The following MAML3 variants were observed in gnomAD, a reference collection of about 807,000 sequenced individuals.
MAML3 encodes the protein mastermind-like protein 3.
In MAML3, 27 loss-of-function variants were observed where a neutral mutation model predicts 101.9. That is an observed-to-expected ratio of 0.27 (90% CI 0.20 to 0.37). The LOEUF (loss-of-function observed/expected upper bound fraction) is 0.37, where lower values mean the gene tolerates loss of function less well. MAML3 is among the 10% of genes least tolerant of loss of function. MAML3 has a pLI of 1.00. For synonymous variants in MAML3, 501 were observed against 555.9 expected (o/e 0.90, Z 1.39); for missense variants, 1,316 against 1,444.9 (o/e 0.91, Z 1.45).
intron 1 of MAML3, among the ~76,000 whole-genome samples, chr4:139,915,366 C>CTT (rs1408941714): frequency 6.6e-6 from 1 of 151,886 alleles, no homozygotes; most frequent in African/African-American, 2.4e-5. Context: ...TGTCAGTTTC[C>CTT]TTATTAGCAA....
chr4:139,968,608 C>T (rs1013553330), intron 1 of MAML3, among the ~76,000 whole-genome samples: 1 of 152,100 alleles, frequency 6.6e-6, no homozygotes, highest in Non-Finnish European at 1.5e-5. Context: ...ACTTAATCCT[C>T]ACAAACTCCC....
chr4:140,046,227 C>T (rs1727180967), intron 1 of MAML3, among the ~76,000 whole-genome samples: 1 of 152,166 alleles, frequency 6.6e-6, no homozygotes, highest in South Asian at 2.1e-4. Flanking sequence ...CATTAAATTG[C>T]TGATGTTAGA....
At chr4:139,944,260 T>C (rs1162630173) in intron 1 of MAML3, among the ~76,000 whole-genome samples, 2 of 152,160 alleles carry the variant, frequency 1.3e-5, no homozygotes, top group Non-Finnish European at 2.9e-5. Context: ...ACATGTGCCA[T>C]GCTGGTGCGC....
At chr4:139,940,631 G>A (rs2110737972) in intron 1 of MAML3, among the ~76,000 whole-genome samples, 1 of 152,332 alleles carries the variant, frequency 6.6e-6, no homozygotes, top group Admixed American at 6.5e-5. Flanking sequence ...TGTGTTAGCT[G>A]CTTCACGAAT....
At position 140,153,465 on chromosome 4, in the gene MAML3, C is replaced by A. The variant is rs1268291358; in HGVS notation, c.-138G>T. On this transcript the variant is annotated 5_prime_UTR_variant, in exon 1 of 5. Coordinates refer to ENST00000509479, the MANE Select transcript of MAML3 (RefSeq NM_018717.5). ...AGCACATGGATGGAAACGGCGATCC[C>A]GACGGGGCGAAAAAAACGGGGGGGG... 2.1e-6 allele frequency: 2 copies of A among 950,538 alleles called. No homozygotes were observed. Among genetic ancestry groups the A allele is most frequent in the South Asian group, 3.5e-5 (1 of 28,984 alleles). 58.9% of individuals were successfully genotyped at this position (950,538 alleles called of 1,614,324 possible). A position where few individuals can be genotyped will look rare whatever the true frequency, so the allele number is the denominator to read the frequency against.
intron 2 of MAML3, among the ~76,000 whole-genome samples, chr4:139,863,343 C>CTTTTTTTTTTTTTT (rs11439880): frequency 8.3e-6 from 1 of 120,552 alleles, no homozygotes; most frequent in African/African-American, 3.0e-5. Flanking sequence ...TTCCTGTGCC[C>CTTTTTTTTTTTTTT]TTTTTTTTTT....
intron 1 of MAML3, among the ~76,000 whole-genome samples, chr4:140,060,522 G>T (rs1727429529): frequency 6.6e-6 from 1 of 151,912 alleles, no homozygotes; most frequent in Non-Finnish European, 1.5e-5. Context: ...TTTGAACAGG[G>T]CATTAGATCT....
At chr4:139,892,855 C>T (rs1239041762) in intron 1 of MAML3, among the ~76,000 whole-genome samples, 3 of 143,804 alleles carry the variant, frequency 2.1e-5, no homozygotes, top group East Asian at 4.2e-4. Flanking sequence ...GGCATGAACC[C>T]GGGAGGTGGA....
At chr4:139,971,212 C>G (rs1057448225) in intron 1 of MAML3, among the ~76,000 whole-genome samples, 6 of 152,152 alleles carry the variant, frequency 3.9e-5, no homozygotes, top group Non-Finnish European at 8.8e-5. Flanking sequence ...TCTCACTGTA[C>G]CTTCTGGGCT....
chr4:140,006,585 CAA>C (rs34273207), intron 1 of MAML3, among the ~76,000 whole-genome samples: 3 of 93,312 alleles, frequency 3.2e-5, no homozygotes, highest in Non-Finnish European at 2.1e-5. Context: ...AACTCTGTCT[CAA>C]AAAAAAAAAA....
At chr4:140,043,655 T>C (rs34741323) in intron 1 of MAML3, among the ~76,000 whole-genome samples, 1,964 of 152,352 alleles carry the variant, frequency 0.013, 23 homozygotes, top group Non-Finnish European at 0.021. Flanking sequence ...GCACTGTCCC[T>C]GGAAGAGCTT....
chr4:139,839,016 C>T (rs1035888188), intron 2 of MAML3, among the ~76,000 whole-genome samples: 1 of 152,162 alleles, frequency 6.6e-6, no homozygotes. Context: ...TTCAGGTGGG[C>T]TAAGTGCCAA....
rs758805299 is a variant in MAML3, at chr4:139,889,688, T to C, written c.1748A>G (p.Asn583Ser). 1.2e-6 allele frequency: 2 copies of C among 1,614,020 alleles called. No homozygotes were observed. The highest frequency in any genetic ancestry group is 2.2e-5 in the South Asian group (2 of 91,088). ...NHMNMINQQP[N>S]NLGTNSLNKQ... ...GTTTAAGGAGTTTGTACCCAAGTTA[T>C]TTGGCTGCTGATTGATCATATTCAT... Residue 583 changes from asparagine to serine, a missense_variant, in exon 2 of 5, where the codon AAT (asparagine) becomes AGT (serine). Coordinates refer to ENST00000509479, the MANE Select transcript of MAML3 (RefSeq NM_018717.5).
intron 1 of MAML3, chr4:140,133,176 AAAG>A: frequency 2.5e-6 from 1 of 396,540 alleles, no homozygotes; most frequent in African/African-American, 2.1e-5. Flanking sequence ...AAAAGAAAAA[AAAG>A]AGAGTTTACT....
chr4:139,835,655 G>A (rs748638761), intron 2 of MAML3, among the ~76,000 whole-genome samples: 4 of 152,112 alleles, frequency 2.6e-5, no homozygotes, highest in South Asian at 2.1e-4. Context: ...ATTTTTACTC[G>A]GTGGCCTATG....
At chr4:139,977,296 G>A (rs796655055) in intron 1 of MAML3, among the ~76,000 whole-genome samples, 3 of 152,160 alleles carry the variant, frequency 2.0e-5, no homozygotes, top group African/African-American at 7.2e-5. Flanking sequence ...CCCAGAGTAC[G>A]CAGGACGGCC....
At chr4:139,772,043 TC>T (rs1237202840) in intron 2 of MAML3, among the ~76,000 whole-genome samples, 1 of 150,716 alleles carries the variant, frequency 6.6e-6, no homozygotes, top group African/African-American at 2.4e-5. Flanking sequence ...ATCCAGACCA[TC>T]CTGGCTAACA....
At chr4:140,031,511 T>C (rs1726907213) in intron 1 of MAML3, among the ~76,000 whole-genome samples, 1 of 152,210 alleles carries the variant, frequency 6.6e-6, no homozygotes, top group African/African-American at 2.4e-5. Flanking sequence ...ACAAACCCTA[T>C]GAGCCCGTCA....
chr4:139,867,476 T>C (rs1358394258), intron 2 of MAML3, among the ~76,000 whole-genome samples: 3 of 152,230 alleles, frequency 2.0e-5, no homozygotes, highest in Non-Finnish European at 1.5e-5. Flanking sequence ...GAGCATCTGC[T>C]ACATACCAAG....
Sources: allele counts gnomAD v4.1 joint callset (sites outside exome capture counted in the v4.1 genomes callset), GRCh38; gene constraint gnomAD v4.1.1; transcripts MANE v1.5; gene names NCBI Gene and HGNC (gene_info 2026-07-23, HGNC 2026-07-21).